NTRK3: variants seen among roughly 807,000 people sequenced by gnomAD.
NTRK3 encodes NT-3 growth factor receptor.
A neutral mutation model predicts 91.7 loss-of-function variants in NTRK3; 24 were observed. The observed-to-expected ratio is 0.26, with a 90% CI of 0.19 to 0.37. NTRK3 has a LOEUF of 0.37. Ranked by LOEUF, NTRK3 falls within the 10% of genes least tolerant of loss-of-function variation. NTRK3 has a pLI of 1.00. For missense variants in NTRK3, 880 were observed against 1,068.9 expected (o/e 0.82, Z 2.46); for synonymous variants, 483 against 404.0 (o/e 1.20, Z -2.34).
At chr15:87,934,851 G>A (rs2069126044) in intron 15 of NTRK3, among the ~76,000 whole-genome samples, 1 of 152,176 alleles carries the variant, frequency 6.6e-6, no homozygotes, top group South Asian at 2.1e-4. Flanking sequence ...GTCATCAAGT[G>A]GAGGTGTGGT....
chr15:88,254,587 G>A (rs2053799938), intron 3 of NTRK3, among the ~76,000 whole-genome samples: 1 of 152,196 alleles, frequency 6.6e-6, no homozygotes, highest in African/African-American at 2.4e-5. Context: ...GCTTTCCAAA[G>A]AGCAGGACTG....
intron 17 of NTRK3, among the ~76,000 whole-genome samples, chr15:87,895,462 T>C (rs10852090): frequency 0.69 from 105,244 of 152,090 alleles, 36,623 homozygotes; most frequent in Non-Finnish European, 0.73. Context: ...TTTAACCTTG[T>C]ATATCATGAC....
intron 4 of NTRK3, 75 bp downstream of exon 4, chr15:88,184,150 C>A: frequency 2.0e-6 from 3 of 1,469,590 alleles, no homozygotes; most frequent in Non-Finnish European, 2.8e-6. Flanking sequence ...GCCCCTCACG[C>A]CACCCCAGAA....
At chr15:87,989,030 T>G (rs111968799) in intron 14 of NTRK3, among the ~76,000 whole-genome samples, 2 of 152,142 alleles carry the variant, frequency 1.3e-5, no homozygotes, top group Middle Eastern at 3.4e-3. Flanking sequence ...AGTGGAGAAA[T>G]AGGAATACTT....
Position 88,255,809 on chromosome 15 carries a change from G to C in NTRK3, c.248+97C>G. ...CCCAGCGGGCGGCGGGCAGCGGCGA[G>C]CTGGGGCGGGCGGAGGGCCGGCTCC... On this transcript the variant is annotated intron_variant, in intron 3 of 18. Transcript: ENST00000394480. This position sits in a 1 kb window ranked among gnomAD's most constrained non-coding sequence, Gnocchi z 4.3. 9.2e-7 allele frequency: 1 copy of C among 1,086,776 alleles called. No homozygotes were observed. Among genetic ancestry groups the C allele is most frequent in the Non-Finnish European group, 1.2e-6 (1 of 822,286 alleles). The allele number at this position is 1,086,776 out of a possible 1,614,324, so 67.3% of individuals were successfully genotyped here. A position where few individuals can be genotyped will look rare whatever the true frequency, so the allele number is the denominator to read the frequency against.
At chr15:88,136,374 A>G (rs912044711) in intron 8 of NTRK3, 93 bp downstream of exon 8, 16 of 1,525,694 alleles carry the variant, frequency 1.0e-5, no homozygotes, top group Non-Finnish European at 1.2e-5. Context: ...GTTTTTTCCT[A>G]TAGTAACAAG....
At chr15:87,990,641 A>C (rs2075214731) in intron 14 of NTRK3, among the ~76,000 whole-genome samples, 1 of 152,202 alleles carries the variant, frequency 6.6e-6, no homozygotes, top group South Asian at 2.1e-4. Context: ...TTCCAAAACT[A>C]ACCCTTTAAC....
intron 13 of NTRK3, among the ~76,000 whole-genome samples, chr15:88,091,499 G>A (rs2049010273): frequency 6.6e-6 from 1 of 152,224 alleles, no homozygotes; most frequent in Admixed American, 6.5e-5. Flanking sequence ...GTGTTGAGAA[G>A]TATTCTGTGC....
At chr15:87,955,097 T>C (rs2071525941) in intron 14 of NTRK3, among the ~76,000 whole-genome samples, 1 of 152,216 alleles carries the variant, frequency 6.6e-6, no homozygotes, top group African/African-American at 2.4e-5. Context: ...AATGAGTTAA[T>C]ATTCATCTGT....
chr15:88,134,819 C>A (rs565921288), intron 10 of NTRK3, among the ~76,000 whole-genome samples: 4 of 152,222 alleles, frequency 2.6e-5, no homozygotes, highest in Non-Finnish European at 5.9e-5. Context: ...AATTCTCTAC[C>A]ATTACTGTCT....
chr15:88,100,063 T>C (rs1185853192), intron 13 of NTRK3, among the ~76,000 whole-genome samples: 3 of 152,168 alleles, frequency 2.0e-5, no homozygotes, highest in African/African-American at 7.2e-5. Flanking sequence ...TGAATTACTC[T>C]TCCAGTGATG....
At chr15:88,063,774 G>A (rs2046414877) in intron 13 of NTRK3, among the ~76,000 whole-genome samples, 1 of 152,212 alleles carries the variant, frequency 6.6e-6, no homozygotes, top group Admixed American at 6.5e-5. Flanking sequence ...GTGGAAGAAT[G>A]AATGAACCAC....
intron 3 of NTRK3, among the ~76,000 whole-genome samples, chr15:88,252,258 C>T (rs1259817386): frequency 2.0e-5 from 3 of 152,088 alleles, no homozygotes; most frequent in East Asian, 3.9e-4. Flanking sequence ...GGCTCATACC[C>T]TGCTGGGTCA....
chr15:87,970,968 T>C lies in NTRK3; in HGVS notation c.1586-30215A>G, dbSNP rs553169066. On this transcript the variant is annotated intron_variant, in intron 14 of 18. Coordinates refer to ENST00000394480, the Ensembl canonical transcript of NTRK3. Reference sequence around the variant, plus strand: ...ATTATTAAGATGGCCAAAGACACCATCCTGAAAATGCACAGTGGGGTTATT... The same window carrying C: ...ATTATTAAGATGGCCAAAGACACCACCCTGAAAATGCACAGTGGGGTTATT... Among the ~76,000 whole-genome samples, 3 of 152,266 alleles carry C rather than the reference T, an allele frequency of 2.0e-5. No individual in the cohort carries two copies. In the South Asian group the frequency reaches 6.2e-4, roughly 32 times the overall value.
At chr15:87,954,285 T>C (rs1365475821) in intron 14 of NTRK3, among the ~76,000 whole-genome samples, 1 of 152,194 alleles carries the variant, frequency 6.6e-6, no homozygotes, top group Non-Finnish European at 1.5e-5. Context: ...ACCAGCTCTT[T>C]ACCCTAGAAA....
chr15:88,085,515 C>T (rs1040160314), intron 13 of NTRK3, among the ~76,000 whole-genome samples: 3 of 152,220 alleles, frequency 2.0e-5, no homozygotes, highest in Admixed American at 1.3e-4. Context: ...ACACCAGCAC[C>T]TTACCGACTG....
intron 16 of NTRK3, among the ~76,000 whole-genome samples, chr15:87,931,776 A>AACTC (rs1183704822): frequency 3.9e-5 from 6 of 152,324 alleles, no homozygotes; most frequent in Middle Eastern, 3.4e-3. Context: ...GCCTGGTACT[A>AACTC]ACTCATTTCT....
At chr15:87,868,222 C>T (rs1219095174) in exon 19 of NTRK3, 6 of 229,464 alleles carry the variant, frequency 2.6e-5, no homozygotes, top group Admixed American at 5.7e-5. Flanking sequence ...TAATTAAAAA[C>T]GTGAATGTAG....
chr15:87,878,705 G>C (rs1204836481), intron 18 of NTRK3, among the ~76,000 whole-genome samples: 1 of 152,358 alleles, frequency 6.6e-6, no homozygotes, highest in East Asian at 1.9e-4. Context: ...AGTGGGGGAA[G>C]TGGCTGAGGG....
Sources: gnomAD v4.1 joint callset for allele counts (sites outside exome capture counted in the v4.1 genomes callset) on GRCh38, gnomAD v4.1.1 for gene constraint, Gnocchi (gnomAD v3.1) non-coding constraint, MANE v1.5 for transcripts, NCBI Gene and HGNC (gene_info 2026-07-23, HGNC 2026-07-21) for gene names.